The following KIF6 variants were observed in gnomAD, a reference collection of about 807,000 sequenced individuals.
KIF6 encodes the protein kinesin-like protein KIF6.
KIF6 carries 106 observed loss-of-function variants against 112.7 expected under a neutral mutation model. The observed-to-expected ratio is 0.94, with a 90% CI of 0.80 to 1.11. The LOEUF (loss-of-function observed/expected upper bound fraction) is 1.11, where lower values mean the gene tolerates loss of function less well. KIF6 is among the 50% of genes least tolerant of loss of function. The pLI is 0.00. For synonymous variants in KIF6, 339 were observed against 339.9 expected (o/e 1.00, Z 0.03); for missense variants, 929 against 964.0 (o/e 0.96, Z 0.48).
intron 2 of KIF6, 58 bp downstream of exon 2, chr6:39,720,644 G>T: frequency 4.5e-6 from 4 of 888,038 alleles, no homozygotes; most frequent in South Asian, 1.4e-5. Context: ...TATTAATGCA[G>T]TACAAGAGTT....
At chr6:39,582,167 T>C (rs1030117947) in intron 9 of KIF6, among the ~76,000 whole-genome samples, 5 of 152,208 alleles carry the variant, frequency 3.3e-5, no homozygotes, top group African/African-American at 1.2e-4. Flanking sequence ...TTAAGTCAAA[T>C]CTAATACCAA....
intron 13 of KIF6, among the ~76,000 whole-genome samples, chr6:39,491,745 A>G (rs1297380730): frequency 6.6e-6 from 1 of 152,166 alleles, no homozygotes; most frequent in Admixed American, 6.5e-5. Context: ...AGTGAAGGAA[A>G]TACTACTTGA....
At chr6:39,423,726 A>G (rs1770551762) in intron 14 of KIF6, among the ~76,000 whole-genome samples, 1 of 152,018 alleles carries the variant, frequency 6.6e-6, no homozygotes, top group Non-Finnish European at 1.5e-5. Flanking sequence ...CATGTCAGTA[A>G]CCTGCACGCC....
At chr6:39,562,707 A>C (rs1281550355) in intron 10 of KIF6, among the ~76,000 whole-genome samples, 4 of 152,196 alleles carry the variant, frequency 2.6e-5, no homozygotes, top group Admixed American at 6.5e-5. Context: ...ATTATATTAG[A>C]CTACATATAT....
chr6:39,545,456 G>A, intron 11 of KIF6, 127 bp downstream of exon 11: 1 of 620,048 alleles, frequency 1.6e-6, no homozygotes, highest in South Asian at 2.0e-5. Flanking sequence ...TTGATTCAAA[G>A]ATCGTACCAT....
At chr6:39,655,892 T>C (rs1582380758) in intron 3 of KIF6, among the ~76,000 whole-genome samples, 1 of 152,366 alleles carries the variant, frequency 6.6e-6, no homozygotes, top group East Asian at 1.9e-4. Context: ...CAAAATTATC[T>C]TGACTATTCT....
At chr6:39,608,924 G>A (rs755093857) in intron 6 of KIF6, among the ~76,000 whole-genome samples, 3 of 152,202 alleles carry the variant, frequency 2.0e-5, no homozygotes, top group South Asian at 4.1e-4. Context: ...TGAACAAGAC[G>A]AAAGTCTTGT....
chr6:39,348,378 C>G (rs1459422988), intron 19 of KIF6, among the ~76,000 whole-genome samples: 2 of 152,106 alleles, frequency 1.3e-5, no homozygotes, highest in African/African-American at 4.8e-5. Context: ...GCATCTAGTA[C>G]TCTTTGCGGA....
At chr6:39,660,246 A>G (rs1018076705) in intron 3 of KIF6, among the ~76,000 whole-genome samples, 3 of 152,230 alleles carry the variant, frequency 2.0e-5, no homozygotes, top group African/African-American at 7.2e-5. Context: ...AAAGACATTT[A>G]TGGTGCCCCT....
intron 16 of KIF6, among the ~76,000 whole-genome samples, chr6:39,364,088 G>A (rs1217771927): frequency 2.0e-5 from 3 of 149,074 alleles, no homozygotes; most frequent in East Asian, 1.9e-4. Context: ...TATCACATGT[G>A]TCTGGAACTT....
At chr6:39,423,971 G>T (rs138741390) in intron 14 of KIF6, among the ~76,000 whole-genome samples, 38 of 152,216 alleles carry the variant, frequency 2.5e-4, no homozygotes, top group Middle Eastern at 6.8e-3. Context: ...TGCAAACCTG[G>T]TCCTGTTACT....
chr6:39,715,712 A>C lies in KIF6; in HGVS notation c.177-946T>G, dbSNP rs556701521. Among the ~76,000 whole-genome samples the C allele has an allele frequency of 2.0e-5, 3 of 152,120 alleles. No homozygotes were observed. The South Asian group carries it at 6.2e-4, about 32-fold the overall frequency. On this transcript the variant is annotated intron_variant, in intron 2 of 22. Coordinates refer to ENST00000287152, the MANE Select transcript of KIF6 (RefSeq NM_145027.6). The stretch of plus-strand genomic sequence containing the variant: ...CGACAGAGTTTAGTAGAGACAGCTG[A>C]CCTACCTCCATTTTAGAGAAGCAAA...
chr6:39,356,212 G>A (rs573327377), intron 19 of KIF6, among the ~76,000 whole-genome samples: 21 of 151,936 alleles, frequency 1.4e-4, no homozygotes, highest in African/African-American at 5.1e-4. Flanking sequence ...CTGAGAGAAA[G>A]GCCACAGAGG....
At chr6:39,449,032 C>T (rs1345415648) in intron 13 of KIF6, among the ~76,000 whole-genome samples, 1 of 152,198 alleles carries the variant, frequency 6.6e-6, no homozygotes, top group Non-Finnish European at 1.5e-5. Flanking sequence ...GCGGCAACTC[C>T]TGCCAACAAT....
At chr6:39,345,008 C>T (rs760918265) in intron 21 of KIF6, among the ~76,000 whole-genome samples, 3 of 152,188 alleles carry the variant, frequency 2.0e-5, no homozygotes, top group Non-Finnish European at 4.4e-5. Context: ...CCTTTTCCAT[C>T]CAGCTTCTCC....
chr6:39,532,621 G>A (rs559013220), intron 13 of KIF6, among the ~76,000 whole-genome samples: 4 of 152,238 alleles, frequency 2.6e-5, no homozygotes, highest in South Asian at 2.1e-4. Context: ...AAAGCAAGGA[G>A]AAATGGAATT....
chr6:39,346,070 C>T lies in KIF6; in HGVS notation c.2232-281G>A, dbSNP rs1212693300. Among the ~76,000 whole-genome samples, 2 of 19,994 alleles carry T rather than the reference C, an allele frequency of 1.0e-4. 1 individual carries two copies. The highest frequency in any genetic ancestry group is 1.0e-3 in the African/African-American group (2 of 1,946). 13.1% of individuals were successfully genotyped at this position (19,994 alleles called of 152,430 possible). A position where few individuals can be genotyped will look rare whatever the true frequency, so the allele number is the denominator to read the frequency against. On this transcript the variant is annotated intron_variant, in intron 20 of 22. Coordinates refer to ENST00000287152, the MANE Select transcript of KIF6 (RefSeq NM_145027.6). ...CAGTGCTCTCTCTCTCTCTCTCTCT[C>T]TCTCTCTCTCTCTCTCCCCCCCCTC...
chr6:39,569,748 G>A (rs546957104), intron 10 of KIF6, among the ~76,000 whole-genome samples: 1 of 152,294 alleles, frequency 6.6e-6, no homozygotes, highest in South Asian at 2.1e-4. Flanking sequence ...TCTACCAGCT[G>A]TCTATCACAG....
At chr6:39,679,274 C>G (rs1477454713) in intron 3 of KIF6, among the ~76,000 whole-genome samples, 1 of 152,180 alleles carries the variant, frequency 6.6e-6, no homozygotes, top group Admixed American at 6.5e-5. Context: ...ATATCTCAGT[C>G]TCTTTTTAAA....
Sources: gnomAD v4.1 joint callset for allele counts (sites outside exome capture counted in the v4.1 genomes callset) on GRCh38, gnomAD v4.1.1 for gene constraint, MANE v1.5 for transcripts, NCBI Gene and HGNC (gene_info 2026-07-23, HGNC 2026-07-21) for gene names.